STAC: variants seen among roughly 807,000 people sequenced by gnomAD.
The protein encoded by STAC is SH3 and cysteine rich domain, also known as SH3 and cysteine-rich domain-containing protein.
Under a neutral mutation model 48.8 loss-of-function variants are expected in STAC, and 43 were observed. The ratio of observed to expected loss-of-function variants is 0.88; its 90% CI spans 0.69 to 1.14. The LOEUF (loss-of-function observed/expected upper bound fraction) is 1.14. STAC is among the 50% of genes most tolerant of loss of function. The pLI, the probability that STAC is intolerant of heterozygous loss-of-function variation, is 0.00. For synonymous variants in STAC, 193 were observed against 179.5 expected (o/e 1.07, Z -0.60); for missense variants, 497 against 504.0 (o/e 0.99, Z 0.13).
At chr3:36,525,537 C>T (rs1698910920) in intron 8 of STAC, among the ~76,000 whole-genome samples, 3 of 152,170 alleles carry the variant, frequency 2.0e-5, no homozygotes, top group Non-Finnish European at 4.4e-5. Flanking sequence ...GTACCTCCCA[C>T]AGTCTGCCTC....
chr3:36,444,917 C>T (rs181944669), intron 2 of STAC, among the ~76,000 whole-genome samples: 76 of 152,274 alleles, frequency 5.0e-4, no homozygotes, highest in Non-Finnish European at 4.7e-4. Flanking sequence ...GGTCTCATCA[C>T]GTCTCATGCT....
chr3:36,461,180 G>A (rs569323731), intron 2 of STAC, among the ~76,000 whole-genome samples: 1 of 152,238 alleles, frequency 6.6e-6, no homozygotes, highest in African/African-American at 2.4e-5. Flanking sequence ...ATCATTTTAT[G>A]AAGTTCCCCA....
intron 10 of STAC, among the ~76,000 whole-genome samples, chr3:36,537,555 G>C (rs1699228499): frequency 6.6e-6 from 1 of 152,108 alleles, no homozygotes; most frequent in Admixed American, 6.6e-5. Context: ...CAGGGGCGTG[G>C]TGGGGTAGTG....
intron 10 of STAC, among the ~76,000 whole-genome samples, chr3:36,544,768 C>T (rs1699407904): frequency 6.6e-6 from 1 of 152,156 alleles, no homozygotes; most frequent in Non-Finnish European, 1.5e-5. Context: ...TGTCAAGGGA[C>T]CTAACATGAC....
intron 2 of STAC, among the ~76,000 whole-genome samples, chr3:36,467,126 G>A (rs1697199902): frequency 6.6e-6 from 1 of 151,904 alleles, no homozygotes; most frequent in Admixed American, 6.6e-5. Flanking sequence ...TTTTAATTCT[G>A]TTTATGTGGT....
intron 2 of STAC, among the ~76,000 whole-genome samples, chr3:36,468,001 T>C (rs1230116826): frequency 1.3e-5 from 2 of 152,260 alleles, no homozygotes; most frequent in South Asian, 2.1e-4. Flanking sequence ...AACTTTCCTC[T>C]TAGCACCACT....
Position 36,435,327 on chromosome 3 carries a change from C to G in STAC, c.112-8037C>G, listed in dbSNP as rs187896114. 6.6e-5 allele frequency among the ~76,000 whole-genome samples: 10 copies of G among 152,258 alleles called. No individual in the cohort carries two copies. The East Asian group carries it at 1.9e-3, about 29-fold the overall frequency. Reference sequence around the variant, plus strand: ...TAAAGAAGCAATCAAAAGAGAAAAGCCACATCCAGCCAATACCAATTCCAC... The same window carrying G: ...TAAAGAAGCAATCAAAAGAGAAAAGGCACATCCAGCCAATACCAATTCCAC... On this transcript the variant is annotated intron_variant, in intron 1 of 10. Transcript: ENST00000273183.
rs796432721 is a variant in STAC, at chr3:36,412,485, TA to T, written c.112-30875del. Among the ~76,000 whole-genome samples, 25 of 152,134 alleles carry T rather than the reference TA, an allele frequency of 1.6e-4. 1 individual carries two copies. The highest frequency in any genetic ancestry group is 6.0e-4 in the African/African-American group (25 of 41,516). ...AGGAATTGGAAATTGGGTATACAAC[TA>T]AAAGAGTCTGCAGTGGGAGGAAAGA... On this transcript the variant is annotated intron_variant, in intron 1 of 10. Transcript: ENST00000273183.
intron 10 of STAC, among the ~76,000 whole-genome samples, chr3:36,539,464 G>A (rs1053490121): frequency 6.6e-6 from 1 of 151,906 alleles, no homozygotes; most frequent in Non-Finnish European, 1.5e-5. Flanking sequence ...TATTTTTTTG[G>A]TTTTCTGTTC....
intron 10 of STAC, among the ~76,000 whole-genome samples, chr3:36,534,647 T>C (rs1437582059): frequency 1.3e-5 from 2 of 152,080 alleles, no homozygotes; most frequent in Admixed American, 1.3e-4. Context: ...CAATGAGAGT[T>C]TGCATTGATA....
intron 2 of STAC, among the ~76,000 whole-genome samples, chr3:36,444,007 A>T (rs984556560): frequency 1.3e-5 from 2 of 152,166 alleles, no homozygotes; most frequent in Middle Eastern, 3.2e-3. Context: ...GCTTCCCCAA[A>T]AAAAAGCCGA....
rs1249653322 is a variant in STAC, at chr3:36,483,051, T to C, written c.448T>C (p.Cys150Arg). The change falls in exon 3 of 11, where the codon TGC becomes CGC. Residue 150 changes from cysteine (C) to arginine (R), a missense_variant. By Grantham distance (180) the Cys-to-Arg change is radical. Transcript: ENST00000273183. ...KACKMSIHHK[C>R]TDGLAPQRCM... ...CTGTAAGATGAGCATCCACCACAAGTGCACAGATGGCCTGGCACCCCAGCG... is the reference window on the plus strand; with the variant it reads ...CTGTAAGATGAGCATCCACCACAAGCGCACAGATGGCCTGGCACCCCAGCG... 6.2e-7 allele frequency: 1 copy of C among 1,614,146 alleles called. No homozygotes were observed.
intron 1 of STAC, among the ~76,000 whole-genome samples, chr3:36,412,925 G>A (rs1053541579): frequency 1.8e-4 from 28 of 152,018 alleles, no homozygotes; most frequent in African/African-American, 6.3e-4. Context: ...CATACATTTC[G>A]TTATGTACCC....
At chr3:36,486,735 T>A (rs1697827027) in intron 5 of STAC, among the ~76,000 whole-genome samples, 1 of 152,240 alleles carries the variant, frequency 6.6e-6, no homozygotes, top group African/African-American at 2.4e-5. Context: ...CAAAGTTACT[T>A]GAACTGTGAC....
chr3:36,390,529 C>T (rs1699732905), intron 1 of STAC, among the ~76,000 whole-genome samples: 1 of 127,492 alleles, frequency 7.8e-6, no homozygotes, highest in African/African-American at 2.9e-5. Flanking sequence ...ATATTAAACT[C>T]TTATTACAGT....
chr3:36,411,690 T>G (rs1222166514), intron 1 of STAC, among the ~76,000 whole-genome samples: 1 of 152,220 alleles, frequency 6.6e-6, no homozygotes, highest in Non-Finnish European at 1.5e-5. Context: ...CCCCAGGTTG[T>G]AGGTCCCCTA....
chr3:36,394,762 T>C (rs1699822605), intron 1 of STAC, among the ~76,000 whole-genome samples: 1 of 151,774 alleles, frequency 6.6e-6, no homozygotes, highest in Non-Finnish European at 1.5e-5. Context: ...CCGGGTGCGG[T>C]GGTGCACACC....
At chr3:36,532,995 T>G (rs1468748555) in intron 10 of STAC, among the ~76,000 whole-genome samples, 1 of 152,228 alleles carries the variant, frequency 6.6e-6, no homozygotes. Context: ...AGAGGTTATG[T>G]GTCTTGCTCA....
intron 8 of STAC, among the ~76,000 whole-genome samples, chr3:36,514,487 A>T (rs949460612): frequency 6.6e-6 from 1 of 151,786 alleles, no homozygotes; most frequent in Non-Finnish European, 1.5e-5. Flanking sequence ...GTTCTCTCAA[A>T]CACTTATCTC....
Sources: allele counts gnomAD v4.1 joint callset (sites outside exome capture counted in the v4.1 genomes callset), GRCh38; gene constraint gnomAD v4.1.1; transcripts MANE v1.5; gene names NCBI Gene and HGNC (gene_info 2026-07-23, HGNC 2026-07-21).